HDX: variants seen among roughly 807,000 people sequenced by gnomAD.
The protein encoded by HDX is highly divergent homeobox.
In HDX, 19 loss-of-function variants were observed where a neutral mutation model predicts 45.2. The observed-to-expected ratio is 0.42, with a 90% CI of 0.29 to 0.62. HDX has a LOEUF of 0.62. Ranked by LOEUF, HDX falls within the 20% of genes least tolerant of loss-of-function variation. HDX has a pLI of 0.20. For missense variants in HDX, 532 were observed against 493.9 expected, an observed-to-expected ratio of 1.08 and a Z score of -0.73; for synonymous variants, 188 against 172.8, an observed-to-expected ratio of 1.09 and a Z score of -0.69.
intron 5 of HDX, among the ~76,000 whole-genome samples, chrX:84,391,794 T>C (rs556300961): frequency 8.9e-5 from 10 of 111,907 alleles, no homozygotes; most frequent in African/African-American, 2.9e-4. Flanking sequence ...AGGATTGTTT[T>C]TTAGCTATTG....
chrX:84,439,894 TC>T (rs2039723987), intron 5 of HDX: 1 of 111,583 alleles, frequency 9.0e-6, no homozygotes, highest in African/African-American at 3.2e-5. Context: ...TTTCTAAAAG[TC>T]AATTCATGTA....
At chrX:84,434,732 T>C (rs1166182716) in intron 5 of HDX, among the ~76,000 whole-genome samples, 1 of 111,775 alleles carries the variant, frequency 8.9e-6, no homozygotes. Context: ...TGGTATAGTT[T>C]GAGAATAACT....
chrX:84,339,186 A>G (rs979440134), intron 7 of HDX, among the ~76,000 whole-genome samples: 2 of 111,746 alleles, frequency 1.8e-5, no homozygotes, highest in Admixed American at 9.5e-5. Context: ...TCTTAAAAAC[A>G]GGTCAATTTA....
chrX:84,491,083 T>A (rs1258188809), intron 1 of HDX, among the ~76,000 whole-genome samples: 2 of 111,538 alleles, frequency 1.8e-5, no homozygotes, highest in African/African-American at 6.5e-5. Context: ...GTTCATAGAT[T>A]TCATCAAATT....
At chrX:84,419,524 A>G (rs1003220994) in intron 5 of HDX, among the ~76,000 whole-genome samples, 1 of 110,342 alleles carries the variant, frequency 9.1e-6, no homozygotes, top group African/African-American at 3.4e-5. Context: ...AGTACAAGGA[A>G]ACACGAGTAT....
intron 4 of HDX, among the ~76,000 whole-genome samples, chrX:84,449,493 G>A (rs2039949176): frequency 8.9e-6 from 1 of 112,035 alleles, no homozygotes; most frequent in Non-Finnish European, 1.9e-5. Context: ...TTACAGGCCA[G>A]GAGACAGTGG....
intron 6 of HDX, among the ~76,000 whole-genome samples, chrX:84,357,044 CTG>C (rs1237855206): frequency 9.0e-6 from 1 of 111,645 alleles, no homozygotes; most frequent in Non-Finnish European, 1.9e-5. Context: ...AACCTGAACA[CTG>C]TTGTCATGGC....
intron 5 of HDX, among the ~76,000 whole-genome samples, chrX:84,432,356 TTC>T (rs572176375): frequency 1.9e-3 from 210 of 112,304 alleles, no homozygotes; most frequent in Middle Eastern, 0.014. Flanking sequence ...AAACAGATTT[TTC>T]TAATTCTGTG....
At chrX:84,346,887 G>C (rs1251657427) in intron 6 of HDX, among the ~76,000 whole-genome samples, 1 of 110,910 alleles carries the variant, frequency 9.0e-6, no homozygotes, top group African/African-American at 3.3e-5. Flanking sequence ...GTAACTTCTG[G>C]GTTTTGATTG....
chrX:84,455,394 G>A (rs1180857849), intron 4 of HDX, among the ~76,000 whole-genome samples: 2 of 112,331 alleles, frequency 1.8e-5, no homozygotes, highest in African/African-American at 6.5e-5. Context: ...AGAGAATAAA[G>A]CAGAAATTCT....
At chrX:84,499,870 A>G (rs2041083442) in intron 1 of HDX, among the ~76,000 whole-genome samples, 2 of 112,126 alleles carry the variant, frequency 1.8e-5, no homozygotes, top group Admixed American at 9.5e-5. Flanking sequence ...TGTAACAACC[A>G]TCACAAAGGT....
intron 6 of HDX, among the ~76,000 whole-genome samples, chrX:84,347,785 A>T (rs775912055): frequency 1.3e-4 from 15 of 111,330 alleles, no homozygotes; most frequent in Non-Finnish European, 2.8e-4. Context: ...TCTTGCTTGC[A>T]TAGTTTCTGA....
chrX:84,487,399 G>C (rs1324540229), intron 2 of HDX, among the ~76,000 whole-genome samples: 1 of 112,034 alleles, frequency 8.9e-6, no homozygotes, highest in African/African-American at 3.2e-5. Context: ...GCATCCTCTT[G>C]AGAATGTTGA....
chrX:84,476,464 GAGC>G (rs1436205473), intron 2 of HDX, among the ~76,000 whole-genome samples: 2 of 104,459 alleles, frequency 1.9e-5, no homozygotes, highest in African/African-American at 3.5e-5. Flanking sequence ...AGGATTGCTT[GAGC>G]CCCAGACGTG....
At chrX:84,431,976 G>T (rs1321454059) in intron 5 of HDX, among the ~76,000 whole-genome samples, 2 of 111,193 alleles carry the variant, frequency 1.8e-5, no homozygotes, top group African/African-American at 6.5e-5. Context: ...GGTTTTATAT[G>T]TAAGTGTTTA....
At chrX:84,409,481 T>C (rs1297114717) in intron 5 of HDX, among the ~76,000 whole-genome samples, 4 of 109,639 alleles carry the variant, frequency 3.6e-5, no homozygotes, top group Admixed American at 9.7e-5. Context: ...CCCAAATGTC[T>C]GACAATGATA....
At chrX:84,346,260 G>A (rs2037200426) in intron 6 of HDX, among the ~76,000 whole-genome samples, 1 of 110,973 alleles carries the variant, frequency 9.0e-6, no homozygotes, top group Non-Finnish European at 1.9e-5. Context: ...GCTGAGGTGG[G>A]AGGATTTCTT....
chrX:84,488,651 C>A (rs1264393068), intron 1 of HDX, among the ~76,000 whole-genome samples: 3 of 110,970 alleles, frequency 2.7e-5, no homozygotes, highest in Non-Finnish European at 5.7e-5. Context: ...GGAAATTAGT[C>A]ATTCTGGAAA....
rs149609527 is a variant in HDX at position 84,356,103 on chromosome X, A to G, written c.1452+5363T>C. On this transcript the variant is annotated intron_variant, in intron 6 of 10. Coordinates refer to ENST00000373177, the MANE Select transcript of HDX (RefSeq NM_001177479.2). The stretch of plus-strand genomic sequence containing the variant: ...ACAAGACATTAAAAAAAAATCTGAA[A>G]CTTTCAAATTATACCGTAAGTAATG... Among the ~76,000 whole-genome samples the G allele has an allele frequency of 7.7e-3, 855 of 111,330 alleles. 9 individuals are homozygous for G. Among genetic ancestry groups the G allele is most frequent in the African/African-American group, 0.026 (797 of 30,628 alleles).
Sources: allele counts gnomAD v4.1 joint callset (sites outside exome capture counted in the v4.1 genomes callset), GRCh38; gene constraint gnomAD v4.1.1; transcripts MANE v1.5; gene names NCBI Gene and HGNC (gene_info 2026-07-23, HGNC 2026-07-21).